CACNA2D3: variants seen among roughly 807,000 people sequenced by gnomAD.
CACNA2D3 encodes the protein calcium voltage-gated channel auxiliary subunit alpha2delta 3, also known as voltage-dependent calcium channel subunit alpha-2/delta-3.
A neutral mutation model predicts 160.6 loss-of-function variants in CACNA2D3; 60 were observed. The ratio of observed to expected loss-of-function variants is 0.37; its 90% CI spans 0.30 to 0.46. CACNA2D3 has a LOEUF of 0.46. CACNA2D3 is among the 20% of genes least tolerant of loss of function. The pLI is 1.00. For synonymous variants in CACNA2D3, 558 were observed against 492.9 expected (o/e 1.13, Z -1.75); for missense variants, 1,205 against 1,365.0 (o/e 0.88, Z 1.85).
At chr3:54,764,393 C>A in intron 13 of CACNA2D3, 42 bp downstream of exon 13, 1 of 1,605,456 alleles carries the variant, frequency 6.2e-7, no homozygotes, top group Non-Finnish European at 8.5e-7. Context: ...AGCTTTACCC[C>A]CATCCCCAAA....
intron 2 of CACNA2D3, among the ~76,000 whole-genome samples, chr3:54,145,193 G>A (rs1700002280): frequency 6.6e-6 from 1 of 152,178 alleles, no homozygotes; most frequent in South Asian, 2.1e-4. Flanking sequence ...TAAATTAAGG[G>A]TAACAGTAAT....
rs138231507 is a variant in CACNA2D3 at position 54,757,849 on chromosome 3, G to A, written c.1246+5172G>A. 1.9e-3 allele frequency among the ~76,000 whole-genome samples: 297 copies of A among 152,314 alleles called. 3 individuals are homozygous for A. The highest frequency in any genetic ancestry group is 2.3e-3 in the Non-Finnish European group (154 of 68,032). On this transcript the variant is annotated intron_variant, in intron 12 of 37. Coordinates refer to ENST00000474759, the MANE Select transcript of CACNA2D3 (RefSeq NM_018398.3). Reference sequence around the variant, plus strand: ...TGTTCCAGATTACCAGCCAGCAGGCGGTAGAGCTAGGATTTAGGCCCAGGT... The same window carrying A: ...TGTTCCAGATTACCAGCCAGCAGGCAGTAGAGCTAGGATTTAGGCCCAGGT...
chr3:54,537,219 C>T (rs151253764), intron 5 of CACNA2D3, among the ~76,000 whole-genome samples: 35 of 152,044 alleles, frequency 2.3e-4, no homozygotes, highest in African/African-American at 5.3e-4. Flanking sequence ...TGGCCATGTG[C>T]GCGATTAGGG....
chr3:54,965,709 A>T (rs1198405166), intron 27 of CACNA2D3, among the ~76,000 whole-genome samples: 2 of 152,200 alleles, frequency 1.3e-5, no homozygotes, highest in African/African-American at 4.8e-5. Context: ...AACCCCAGAT[A>T]TGCCACAGGA....
chr3:54,724,811 G>C (rs1262008527), intron 11 of CACNA2D3, among the ~76,000 whole-genome samples: 1 of 152,168 alleles, frequency 6.6e-6, no homozygotes, highest in African/African-American at 2.4e-5. Flanking sequence ...GCCCACAAGA[G>C]AAAGCAGGAA....
intron 11 of CACNA2D3, among the ~76,000 whole-genome samples, chr3:54,648,483 T>G (rs926880369): frequency 6.6e-6 from 1 of 152,258 alleles, no homozygotes; most frequent in Non-Finnish European, 1.5e-5. Flanking sequence ...TTTAAAAATT[T>G]AGACCAACCA....
Position 54,494,444 on chromosome 3 carries a change from G to A in CACNA2D3, c.382-9048G>A, listed in dbSNP as rs376492819. Among the ~76,000 whole-genome samples the A allele has an allele frequency of 6.6e-5, 10 of 152,276 alleles. No homozygotes were observed. In the East Asian group the frequency reaches 9.7e-4, roughly 15 times the overall value. On this transcript the variant is annotated intron_variant, in intron 4 of 37. Coordinates refer to ENST00000474759, the MANE Select transcript of CACNA2D3 (RefSeq NM_018398.3). ...CTATTTCATCTGCATTCTGGGCAGCGCAGATTATTCAATTAAATGGCAGTT... is the reference window on the plus strand; with the variant it reads ...CTATTTCATCTGCATTCTGGGCAGCACAGATTATTCAATTAAATGGCAGTT...
chr3:54,238,923 G>A (rs1701929994), intron 2 of CACNA2D3, among the ~76,000 whole-genome samples: 1 of 152,156 alleles, frequency 6.6e-6, no homozygotes, highest in Admixed American at 6.6e-5. Context: ...CTCGTTTGAG[G>A]TCTTCAGATC....
At position 54,952,214 on chromosome 3, in the gene CACNA2D3, C is replaced by T. The variant is rs531000668; in HGVS notation, c.2450-16236C>T. Reference sequence around the variant, plus strand: ...CTATACTATTTCTTCCCTCTGTAACCGCCTTCTTAGAGACAAAGGATGTTG... The same window carrying T: ...CTATACTATTTCTTCCCTCTGTAACTGCCTTCTTAGAGACAAAGGATGTTG... On this transcript the variant is annotated intron_variant, in intron 27 of 37. Transcript: ENST00000474759. Among the ~76,000 whole-genome samples, 53 of 152,292 alleles carry T rather than the reference C, an allele frequency of 3.5e-4. 1 individual carries two copies. In the South Asian group the frequency reaches 9.7e-3, roughly 28 times the overall value.
chr3:54,212,730 T>G (rs1024277963), intron 2 of CACNA2D3, among the ~76,000 whole-genome samples: 1 of 152,042 alleles, frequency 6.6e-6, no homozygotes, highest in African/African-American at 2.4e-5. Context: ...ATTTAGATGG[T>G]TGGGGGTGGG....
intron 24 of CACNA2D3, among the ~76,000 whole-genome samples, 159 bp from the exon 25 acceptor site, chr3:54,891,180 CGTGTGTGTGTGTGTGT>C (rs3836392): frequency 3.5e-5 from 5 of 141,900 alleles, no homozygotes; most frequent in Admixed American, 2.1e-4. Flanking sequence ...AATCTGTGCT[CGTGTGTGTGTGTGTGT>C]GTGTGTGTGT....
At chr3:54,713,397 T>G (rs1316644830) in intron 11 of CACNA2D3, among the ~76,000 whole-genome samples, 1 of 152,154 alleles carries the variant, frequency 6.6e-6, no homozygotes. Flanking sequence ...CTGGGGAAGA[T>G]CCAAGCAGAT....
intron 12 of CACNA2D3, among the ~76,000 whole-genome samples, chr3:54,760,862 C>T (rs548177665): frequency 6.7e-4 from 102 of 152,148 alleles, no homozygotes; most frequent in South Asian, 1.2e-3. Flanking sequence ...GAAGTGAAGT[C>T]GGGAGTTGGC....
chr3:54,171,136 CTTT>C (rs57761171), intron 2 of CACNA2D3, among the ~76,000 whole-genome samples: 3,663 of 62,522 alleles, frequency 0.059, 324 homozygotes, highest in African/African-American at 0.19. Context: ...AAGATGATGA[CTTT>C]TTTTTTTTTT....
intron 4 of CACNA2D3, among the ~76,000 whole-genome samples, chr3:54,456,124 G>A: frequency 1.3e-5 from 2 of 152,192 alleles, no homozygotes; most frequent in Non-Finnish European, 1.5e-5. Context: ...CATTGAATCT[G>A]TAGATTGCTT....
intron 9 of CACNA2D3, among the ~76,000 whole-genome samples, chr3:54,601,480 TTA>T (rs1182063465): frequency 6.6e-6 from 1 of 152,156 alleles, no homozygotes; most frequent in African/African-American, 2.4e-5. Flanking sequence ...AGTGCTGGGA[TTA>T]TAGGCATGAG....
chr3:54,289,716 A>C (rs999772750), intron 2 of CACNA2D3, among the ~76,000 whole-genome samples: 12 of 152,330 alleles, frequency 7.9e-5, no homozygotes, highest in African/African-American at 2.6e-4. Context: ...AGAGATATAG[A>C]TCAATGGAAC....
chr3:54,649,038 A>G (rs1201155299), intron 11 of CACNA2D3, among the ~76,000 whole-genome samples: 1 of 152,172 alleles, frequency 6.6e-6, no homozygotes, highest in Non-Finnish European at 1.5e-5. Flanking sequence ...CATCCAAACT[A>G]TATCAGTTAC....
intron 2 of CACNA2D3, among the ~76,000 whole-genome samples, chr3:54,278,698 A>G (rs1012354936): frequency 5.3e-5 from 8 of 152,152 alleles, no homozygotes; most frequent in Non-Finnish European, 1.2e-4. Flanking sequence ...CATGGATGAA[A>G]CTGGAAACCA....
Sources: gnomAD v4.1 joint callset for allele counts (sites outside exome capture counted in the v4.1 genomes callset) on GRCh38, gnomAD v4.1.1 for gene constraint, MANE v1.5 for transcripts, NCBI Gene and HGNC (gene_info 2026-07-23, HGNC 2026-07-21) for gene names.